Variants in SYT9 observed in about 807,000 individuals in gnomAD.
SYT9 encodes synaptotagmin-9.
SYT9 carries 22 observed loss-of-function variants against 48.4 expected under a neutral mutation model. The observed-to-expected ratio is 0.45, with a 90% confidence interval of 0.32 to 0.65. SYT9 has a LOEUF of 0.65. SYT9 is among the 30% of genes least tolerant of loss of function. The pLI, the probability that SYT9 is intolerant of heterozygous loss-of-function variation, is 0.03. For synonymous variants in SYT9, 265 were observed against 245.0 expected, an observed-to-expected ratio of 1.08 and a Z score of -0.76; for missense variants, 577 against 622.0, an observed-to-expected ratio of 0.93 and a Z score of 0.77.
At position 7,252,236 on chromosome 11, in the gene SYT9, C is replaced by T. The variant is rs749543472; in HGVS notation, c.50C>T (p.Ala17Val). 515 of 1,501,358 alleles carry T rather than the reference C, an allele frequency of 3.4e-4. No homozygotes were observed. The highest frequency in any genetic ancestry group is 4.5e-4 in the Non-Finnish European group (502 of 1,125,834). The allele number at this position is 1,501,358 out of a possible 1,614,324, so 93.0% of individuals were successfully genotyped here. The part of the protein sequence containing the change: ...ALCHQALQLL[A>V]ELCARGALEH... ...TGTCACCAGGCGCTGCAGCTGCTGG[C>T]CGAGCTCTGTGCCCGTGGGGCCCTG... The change falls in exon 1 of 7, where the codon GCC becomes GTC. Residue 17 changes from alanine (A) to valine (V), a missense_variant. Transcript: ENST00000318881. The surrounding 1 kb of genome is among the most constrained non-coding windows in gnomAD (Gnocchi z 6.3).
chr11:7,435,543 A>G (rs1056733121), intron 6 of SYT9: 4 of 152,250 alleles, frequency 2.6e-5, no homozygotes, highest in African/African-American at 4.8e-5. Context: ...TAAGAATAAT[A>G]TAACATATAT....
chr11:7,442,874 C>T (rs1847853344), intron 6 of SYT9, among the ~76,000 whole-genome samples: 1 of 151,976 alleles, frequency 6.6e-6, no homozygotes, highest in Non-Finnish European at 1.5e-5. Context: ...TATTTAGGGG[C>T]CCTGTGTACC....
chr11:7,381,700 C>G (rs941536370), intron 3 of SYT9, among the ~76,000 whole-genome samples: 44 of 152,340 alleles, frequency 2.9e-4, no homozygotes, highest in Admixed American at 2.9e-3. Flanking sequence ...CAGTGCAAAG[C>G]TGGACATCAT....
In SYT9 at chr11:7,431,497, C is replaced by A. The variant is rs548464900; in HGVS notation, c.1467+10862C>A. ...AAATTCAAGCAAGCTGTGGAGGAAC[C>A]ACTTGCTAGAGATATTGGCATAACT... On this transcript the variant is annotated intron_variant, in intron 6 of 6. Transcript: ENST00000318881. Among the ~76,000 whole-genome samples the A allele has an allele frequency of 7.5e-4, 114 of 152,328 alleles. 1 individual carries two copies. Among genetic ancestry groups the A allele is most frequent in the African/African-American group, 2.5e-3 (105 of 41,578 alleles).
intron 6 of SYT9, among the ~76,000 whole-genome samples, chr11:7,421,244 C>G (rs1019288193): frequency 2.0e-5 from 3 of 152,112 alleles, no homozygotes; most frequent in African/African-American, 7.2e-5. Flanking sequence ...CCTCACAGTC[C>G]CAGTGTGGCT....
intron 3 of SYT9, among the ~76,000 whole-genome samples, chr11:7,322,621 C>G (rs546153508): frequency 6.6e-6 from 1 of 152,072 alleles, no homozygotes; most frequent in African/African-American, 2.4e-5. Flanking sequence ...GACGAAGAGA[C>G]TTTAATAGCT....
chr11:7,330,251 C>T (rs1405023923), intron 3 of SYT9, among the ~76,000 whole-genome samples: 1 of 152,028 alleles, frequency 6.6e-6, no homozygotes, highest in Non-Finnish European at 1.5e-5. Flanking sequence ...CACACAATAG[C>T]ATGGATGGAT....
intron 1 of SYT9, among the ~76,000 whole-genome samples, chr11:7,269,239 A>G (rs1420845685): frequency 6.6e-6 from 1 of 152,062 alleles, no homozygotes; most frequent in Non-Finnish European, 1.5e-5. Flanking sequence ...TGGGCTATTC[A>G]GCAAATGGGG....
At chr11:7,413,163 G>C (rs1298978915) in intron 3 of SYT9, among the ~76,000 whole-genome samples, 1 of 152,222 alleles carries the variant, frequency 6.6e-6, no homozygotes. Flanking sequence ...AGCAGCATAG[G>C]TAGGTAGTTG....
chr11:7,356,160 G>T (rs546034942), intron 3 of SYT9, among the ~76,000 whole-genome samples: 3 of 152,284 alleles, frequency 2.0e-5, no homozygotes, highest in African/African-American at 4.8e-5. Flanking sequence ...GGTCACTGTA[G>T]TTACAGTCAA....
At chr11:7,385,946 GA>G (rs2134052832) in intron 3 of SYT9, among the ~76,000 whole-genome samples, 1 of 152,300 alleles carries the variant, frequency 6.6e-6, no homozygotes, top group Admixed American at 6.5e-5. Context: ...TTAGCCTGTA[GA>G]TAAGTCTGGG....
At chr11:7,342,420 A>G (rs1849729437) in intron 3 of SYT9, among the ~76,000 whole-genome samples, 1 of 152,174 alleles carries the variant, frequency 6.6e-6, no homozygotes, top group Admixed American at 6.5e-5. Flanking sequence ...GCCAAAACAA[A>G]GGGGCTAAAG....
At chr11:7,241,261 A>T (rs563197700) in intron 1 of SYT9, among the ~76,000 whole-genome samples, 1 of 150,754 alleles carries the variant, frequency 6.6e-6, no homozygotes, top group Non-Finnish European at 1.5e-5. Flanking sequence ...CCCCCCACAC[A>T]CAGCACATAT....
chr11:7,321,041 G>C (rs1314268498), intron 3 of SYT9, among the ~76,000 whole-genome samples: 3 of 152,080 alleles, frequency 2.0e-5, no homozygotes, highest in African/African-American at 7.2e-5. Context: ...CTCTTTCTTG[G>C]TGGTTGGCTT....
chr11:7,417,661 C>T (rs1847277724), intron 4 of SYT9, among the ~76,000 whole-genome samples: 1 of 152,212 alleles, frequency 6.6e-6, no homozygotes, highest in South Asian at 2.1e-4. Context: ...CTGGCCAGGC[C>T]AGTCTTGAGT....
At chr11:7,241,391 T>C (rs994884981) in intron 1 of SYT9, among the ~76,000 whole-genome samples, 12 of 152,210 alleles carry the variant, frequency 7.9e-5, no homozygotes, top group African/African-American at 2.4e-4. Flanking sequence ...ATTTTGCAGT[T>C]ATTGAATAGA....
chr11:7,321,266 G>T lies in SYT9; in HGVS notation c.1044+7325G>T, dbSNP rs374228796. 7.2e-5 allele frequency among the ~76,000 whole-genome samples: 11 copies of T among 152,190 alleles called. No homozygotes were observed. The East Asian group carries it at 1.9e-3, about 27-fold the overall frequency. ...AACTTAAAACTCTTATTTCAGCAAGGTTTGTTATTTTGTAGTGACTGATTT... is the reference window on the plus strand; with the variant it reads ...AACTTAAAACTCTTATTTCAGCAAGTTTTGTTATTTTGTAGTGACTGATTT... On this transcript the variant is annotated intron_variant, in intron 3 of 6. Transcript: ENST00000318881.
intron 1 of SYT9, among the ~76,000 whole-genome samples, chr11:7,270,598 C>T (rs531907924): frequency 1.3e-5 from 2 of 152,200 alleles, no homozygotes; most frequent in South Asian, 2.1e-4. Flanking sequence ...GACTTCAGGA[C>T]ATTGAAAGGG....
intron 3 of SYT9, among the ~76,000 whole-genome samples, chr11:7,354,000 G>A (rs1299970940): frequency 6.6e-6 from 1 of 152,116 alleles, no homozygotes; most frequent in East Asian, 1.9e-4. Context: ...GCAAATATCT[G>A]AAGTAACAAT....
Sources: allele counts gnomAD v4.1 joint callset (sites outside exome capture counted in the v4.1 genomes callset), GRCh38; gene constraint gnomAD v4.1.1; non-coding constraint Gnocchi (gnomAD v3.1); transcripts MANE v1.5; gene names NCBI Gene and HGNC (gene_info 2026-07-23, HGNC 2026-07-21).